Variants in NALF1 observed in about 807,000 individuals in gnomAD.
NALF1 encodes NALCN channel auxiliary factor 1.
In NALF1, 3 loss-of-function variants were observed where a neutral mutation model predicts 48.4. The observed-to-expected ratio is 0.06, with a 90% confidence interval of 0.03 to 0.16. The LOEUF (loss-of-function observed/expected upper bound fraction) is 0.16, where lower values mean the gene tolerates loss of function less well. NALF1 is among the 10% of genes least tolerant of loss of function. NALF1 has a pLI of 1.00. For synonymous variants in NALF1, 262 were observed against 245.7 expected, an observed-to-expected ratio of 1.07 and a Z score of -0.62; for missense variants, 526 against 571.5, an observed-to-expected ratio of 0.92 and a Z score of 0.81.
At chr13:107,190,288 C>T (rs1879254786) in intron 2 of NALF1, among the ~76,000 whole-genome samples, 1 of 152,064 alleles carries the variant, frequency 6.6e-6, no homozygotes, top group African/African-American at 2.4e-5. Context: ...AGTACAAAGA[C>T]CATTTCCTGC....
intron 1 of NALF1, among the ~76,000 whole-genome samples, chr13:107,678,459 CAAAG>C (rs1190524168): frequency 6.6e-6 from 1 of 152,146 alleles, no homozygotes; most frequent in African/African-American, 2.4e-5. Context: ...CAGGGGTGTC[CAAAG>C]AAACAGAGCT....
chr13:107,711,336 GTTTA>G (rs1484655549), intron 1 of NALF1, among the ~76,000 whole-genome samples: 1 of 151,566 alleles, frequency 6.6e-6, no homozygotes, highest in African/African-American at 2.4e-5. Flanking sequence ...TTGTTTGTTT[GTTTA>G]TTTATTTATT....
intron 1 of NALF1, among the ~76,000 whole-genome samples, chr13:107,593,215 A>G (rs1329330955): frequency 6.6e-6 from 1 of 151,954 alleles, no homozygotes; most frequent in African/African-American, 2.4e-5. Flanking sequence ...AAACCTTAAG[A>G]ACATTTAATG....
Position 107,866,482 on chromosome 13 carries a change from G to T in NALF1, c.115C>A (p.Arg39=), listed in dbSNP as rs779794298. 2.5e-6 allele frequency: 4 copies of T among 1,614,002 alleles called. No individual in the cohort carries two copies. The highest frequency in any genetic ancestry group is 2.5e-6 in the Non-Finnish European group (3 of 1,179,996). The change falls in exon 1 of 3, where the codon CGA becomes AGA. Residue 39 remains arginine (R), a synonymous_variant. Transcript: ENST00000375915. This position sits in a 1 kb window ranked among gnomAD's most constrained non-coding sequence, Gnocchi z 4.4. The part of the protein sequence containing the change: ...FIDSERAQKW[R]LSLASLLFFT... ...AACAAGAGAGATGCCAGAGACAGTC[G>T]CCATTTCTGAGCCCTCTCGGAATCG...
intron 1 of NALF1, among the ~76,000 whole-genome samples, chr13:107,781,466 C>A (rs554678485): frequency 6.6e-6 from 1 of 152,086 alleles, no homozygotes; most frequent in African/African-American, 2.4e-5. Context: ...GCTCCCACCC[C>A]TACATATAAA....
chr13:107,550,168 T>C (rs771862531), intron 1 of NALF1, among the ~76,000 whole-genome samples: 43 of 152,102 alleles, frequency 2.8e-4, no homozygotes, highest in Admixed American at 5.2e-4. Context: ...TACAACATTC[T>C]TGGATAATGA....
intron 1 of NALF1, among the ~76,000 whole-genome samples, chr13:107,337,626 T>A (rs77531507): frequency 0.013 from 1,958 of 152,280 alleles, 16 homozygotes; most frequent in Non-Finnish European, 0.02. Context: ...GAAAGCTATT[T>A]GAGGCCATTA....
At chr13:107,328,263 TCTC>T (rs1882402810) in intron 1 of NALF1, among the ~76,000 whole-genome samples, 1 of 133,346 alleles carries the variant, frequency 7.5e-6, no homozygotes, top group East Asian at 2.1e-4. Context: ...CAACTTTTCA[TCTC>T]CTGCAATACA....
At chr13:107,757,286 G>A (rs1471964314) in intron 1 of NALF1, among the ~76,000 whole-genome samples, 1 of 152,144 alleles carries the variant, frequency 6.6e-6, no homozygotes, top group Non-Finnish European at 1.5e-5. Context: ...ATGTTACTGG[G>A]GTGGGACGGA....
At position 107,783,197 on chromosome 13, in the gene NALF1, T is replaced by A. The variant is rs1167476710; in HGVS notation, c.915+82485A>T. Reference sequence around the variant, plus strand: ...CCCCGTCCGGGAGGGAGGTGGGGGGTCAGTCCCCCGCCCGGCCAGCCGCCC... The same window carrying A: ...CCCCGTCCGGGAGGGAGGTGGGGGGACAGTCCCCCGCCCGGCCAGCCGCCC... On this transcript the variant is annotated intron_variant, in intron 1 of 2. Transcript: ENST00000375915. Among the ~76,000 whole-genome samples the A allele has an allele frequency of 6.7e-5, 5 of 75,094 alleles. No homozygotes were observed. In the East Asian group the frequency reaches 2.3e-3, roughly 35 times the overall value. 49.3% of individuals were successfully genotyped at this position (75,094 alleles called of 152,430 possible).
chr13:107,490,402 G>GT (rs1270630250), intron 1 of NALF1, among the ~76,000 whole-genome samples: 1 of 152,150 alleles, frequency 6.6e-6, no homozygotes, highest in African/African-American at 2.4e-5. Context: ...ACAAGATGAT[G>GT]TTTTTTGCAG....
chr13:107,401,872 T>C lies in NALF1; in HGVS notation c.916-191117A>G, dbSNP rs180758364. ...TACTTTTTATACAAATAGTTTGATT[T>C]TTTAATTGTTTGCTAATTATTTAAT... On this transcript the variant is annotated intron_variant, in intron 1 of 2. Coordinates refer to ENST00000375915, the MANE Select transcript of NALF1 (RefSeq NM_001080396.3). Among the ~76,000 whole-genome samples the C allele has an allele frequency of 1.2e-3, 180 of 152,298 alleles. 1 individual carries two copies. The highest frequency in any genetic ancestry group is 4.1e-3 in the African/African-American group (171 of 41,576).
At chr13:107,295,605 T>C (rs1881710301) in intron 1 of NALF1, among the ~76,000 whole-genome samples, 1 of 152,110 alleles carries the variant, frequency 6.6e-6, no homozygotes, top group Admixed American at 6.5e-5. Flanking sequence ...TCATGCTCTC[T>C]ATTGCTTAAG....
intron 1 of NALF1, among the ~76,000 whole-genome samples, chr13:107,380,420 G>A (rs770862196): frequency 1.3e-4 from 20 of 152,200 alleles, no homozygotes; most frequent in Non-Finnish European, 2.9e-4. Flanking sequence ...TGACTTGAAC[G>A]CTTTAACCAA....
At chr13:107,493,336 A>G (rs1875209391) in intron 1 of NALF1, among the ~76,000 whole-genome samples, 1 of 152,146 alleles carries the variant, frequency 6.6e-6, no homozygotes, top group African/African-American at 2.4e-5. Context: ...TTTCCTGTAC[A>G]TCGTGTGAAC....
chr13:107,438,827 C>CAAAAAAAAAAAAAAAA (rs61686895), intron 1 of NALF1, among the ~76,000 whole-genome samples: 256 of 17,942 alleles, frequency 0.014, 50 homozygotes, highest in Non-Finnish European at 0.02. Context: ...GACTCCATCT[C>CAAAAAAAAAAAAAAAA]AAAAAAAAAA....
chr13:107,499,860 G>C (rs2139076994), intron 1 of NALF1, among the ~76,000 whole-genome samples: 1 of 152,042 alleles, frequency 6.6e-6, no homozygotes, highest in East Asian at 1.9e-4. Flanking sequence ...CTATTATCTA[G>C]TACAATTTTT....
intron 1 of NALF1, among the ~76,000 whole-genome samples, chr13:107,373,758 G>T: frequency 6.6e-6 from 1 of 150,724 alleles, no homozygotes. Context: ...GTTTTTTTTG[G>T]GACCATGAGA....
At chr13:107,202,252 C>A (rs1244631288) in intron 2 of NALF1, among the ~76,000 whole-genome samples, 2 of 151,496 alleles carry the variant, frequency 1.3e-5, no homozygotes, top group African/African-American at 4.8e-5. Context: ...AGTTTTTAAA[C>A]CTAAGGTATT....
Sources: gnomAD v4.1 joint callset for allele counts (sites outside exome capture counted in the v4.1 genomes callset) on GRCh38, gnomAD v4.1.1 for gene constraint, Gnocchi (gnomAD v3.1) non-coding constraint, MANE v1.5 for transcripts, NCBI Gene and HGNC (gene_info 2026-07-23, HGNC 2026-07-21) for gene names.